LRRC63: variants seen among roughly 807,000 people sequenced by gnomAD.
LRRC63 encodes leucine rich repeat containing 63.
A neutral mutation model predicts 49.5 loss-of-function variants in LRRC63; 40 were observed. That is an observed-to-expected ratio of 0.81 (90% CI 0.63 to 1.05). LRRC63 has a LOEUF of 1.05. LRRC63 is among the 50% of genes least tolerant of loss of function. LRRC63 has a pLI of 0.00. For synonymous variants in LRRC63, 191 were observed against 221.1 expected, an observed-to-expected ratio of 0.86 and a Z score of 1.21; for missense variants, 636 against 663.1, an observed-to-expected ratio of 0.96 and a Z score of 0.45.
intron 8 of LRRC63, among the ~76,000 whole-genome samples, chr13:46,262,558 G>A (rs1487029436): frequency 1.3e-5 from 2 of 152,092 alleles, no homozygotes; most frequent in African/African-American, 2.4e-5. Flanking sequence ...CATAATCACA[G>A]AGTTAGAATT....
chr13:46,273,149 G>A (rs2047782699), intron 9 of LRRC63, among the ~76,000 whole-genome samples: 1 of 152,216 alleles, frequency 6.6e-6, no homozygotes, highest in Admixed American at 6.5e-5. Flanking sequence ...ATAGGGGAAA[G>A]ATTCAGGGAT....
At chr13:46,218,421 C>T (rs1457780237) in intron 2 of LRRC63, among the ~76,000 whole-genome samples, 1 of 112,772 alleles carries the variant, frequency 8.9e-6, no homozygotes, top group Admixed American at 9.7e-5. Context: ...ATTGCAACCC[C>T]TGCTTTTTTT....
chr13:46,268,599 GA>G (rs1410685119), intron 9 of LRRC63, among the ~76,000 whole-genome samples: 2 of 151,456 alleles, frequency 1.3e-5, no homozygotes. Flanking sequence ...ACCAGTGACT[GA>G]AAAAAAATAT....
chr13:46,264,102 T>C (rs7999113), intron 8 of LRRC63, among the ~76,000 whole-genome samples: 6,934 of 152,288 alleles, frequency 0.046, 192 homozygotes, highest in Middle Eastern at 0.095. Flanking sequence ...AGGCACCTGA[T>C]GCCAGTTTGA....
chr13:46,270,374 A>G (rs1254312149), intron 9 of LRRC63: 3 of 860,926 alleles, frequency 3.5e-6, no homozygotes, highest in East Asian at 4.8e-5. Flanking sequence ...ACCTCTCTGT[A>G]AGATTTACTG....
intron 4 of LRRC63, 140 bp downstream of exon 4, chr13:46,228,873 C>A: frequency 1.7e-6 from 1 of 594,018 alleles, no homozygotes; most frequent in African/African-American, 1.9e-5. Flanking sequence ...TTTCAGCTCC[C>A]TAAGTCATTT....
chr13:46,213,116 A>G (rs749351005), exon 2 of LRRC63: 9 of 1,537,044 alleles, frequency 5.9e-6, no homozygotes, highest in African/African-American at 1.4e-5. Flanking sequence ...AAAAACCCAT[A>G]CAGGTATGTG....
chr13:46,256,134 G>A (rs2047506332), intron 7 of LRRC63, among the ~76,000 whole-genome samples: 2 of 152,194 alleles, frequency 1.3e-5, no homozygotes, highest in Non-Finnish European at 2.9e-5. Context: ...GAAATTTGTG[G>A]ACAAGTCTTT....
chr13:46,227,782 G>A (rs1341558582), exon 3 of LRRC63: 17 of 1,550,174 alleles, frequency 1.1e-5, no homozygotes, highest in Middle Eastern at 3.3e-4. Flanking sequence ...GCTTCTACTC[G>A]AATTTTTGGG....
chr13:46,246,297 G>T (rs2047210635), intron 5 of LRRC63, among the ~76,000 whole-genome samples: 1 of 152,058 alleles, frequency 6.6e-6, no homozygotes, highest in Non-Finnish European at 1.5e-5. Flanking sequence ...ATAGTAGTGT[G>T]AGAACAGCCT....
At chr13:46,214,698 T>C (rs1367408678) in intron 2 of LRRC63, among the ~76,000 whole-genome samples, 1 of 151,840 alleles carries the variant, frequency 6.6e-6, no homozygotes, top group Non-Finnish European at 1.5e-5. Context: ...GTTTGTTACA[T>C]AGGTATACAT....
intron 9 of LRRC63, among the ~76,000 whole-genome samples, chr13:46,275,937 C>G (rs955903474): frequency 1.3e-5 from 2 of 152,082 alleles, no homozygotes; most frequent in Non-Finnish European, 2.9e-5. Context: ...TGTTTAAATA[C>G]TTAAACATAT....
intron 5 of LRRC63, among the ~76,000 whole-genome samples, chr13:46,237,835 A>G (rs2046946168): frequency 6.6e-6 from 1 of 152,202 alleles, no homozygotes. Context: ...AATGAATTAT[A>G]TAACCTAGAT....
chr13:46,229,386 G>A (rs189715047), intron 4 of LRRC63, among the ~76,000 whole-genome samples: 1 of 152,184 alleles, frequency 6.6e-6, no homozygotes, highest in Non-Finnish European at 1.5e-5. Context: ...ATGTGGGCGT[G>A]ACTTGAGTAG....
intron 9 of LRRC63, chr13:46,270,327 A>G: frequency 1.2e-6 from 1 of 853,136 alleles, no homozygotes; most frequent in Middle Eastern, 2.2e-4. Flanking sequence ...GTCTCTGGGA[A>G]ATTTAAGTGG....
chr13:46,246,499 C>T (rs774892792), intron 5 of LRRC63, 28 bp from the exon 6 acceptor site: 72 of 1,161,264 alleles, frequency 6.2e-5, no homozygotes, highest in Middle Eastern at 2.1e-4. Context: ...TAGTGATTAA[C>T]ACCTTATCTC....
chr13:46,254,111 A>ATTACT (rs771004480), intron 7 of LRRC63, among the ~76,000 whole-genome samples: 2 of 152,188 alleles, frequency 1.3e-5, no homozygotes, highest in Non-Finnish European at 1.5e-5. Flanking sequence ...AAGCTCAGTA[A>ATTACT]GAGTAAAGGT....
chr13:46,218,488 T>A (rs1296656488), intron 2 of LRRC63, among the ~76,000 whole-genome samples: 11 of 152,212 alleles, frequency 7.2e-5, no homozygotes, highest in African/African-American at 2.7e-4. Context: ...TTTGAGCCTA[T>A]GTGTGTCTTT....
chr13:46,265,681 G>T (rs1246055464), intron 8 of LRRC63, among the ~76,000 whole-genome samples: 1 of 152,148 alleles, frequency 6.6e-6, no homozygotes, highest in Non-Finnish European at 1.5e-5. Context: ...TGAATTTTGG[G>T]GGGACAGAAA....
Sources: gnomAD v4.1 joint callset for allele counts (sites outside exome capture counted in the v4.1 genomes callset) on GRCh38, gnomAD v4.1.1 for gene constraint, MANE v1.5 for transcripts, NCBI Gene and HGNC (gene_info 2026-07-23, HGNC 2026-07-21) for gene names.